Variants in INPP4A observed in about 807,000 individuals in gnomAD.
INPP4A encodes the protein inositol polyphosphate-4-phosphatase type I A.
A neutral mutation model predicts 119.8 loss-of-function variants in INPP4A; 33 were observed. The ratio of observed to expected loss-of-function variants is 0.28; its 90% CI spans 0.21 to 0.37. The LOEUF is 0.37. Among genes scored for constraint, INPP4A ranks in the 10% least tolerant of loss-of-function variants. INPP4A has a pLI of 1.00. For missense variants in INPP4A, 956 were observed against 1,289.9 expected (o/e 0.74, Z 3.97); for synonymous variants, 496 against 500.7 (o/e 0.99, Z 0.12).
At chr2:98,550,968 T>G (rs959190100) in intron 13 of INPP4A, among the ~76,000 whole-genome samples, 47 of 151,948 alleles carry the variant, frequency 3.1e-4, no homozygotes, top group African/African-American at 9.7e-5. Flanking sequence ...TTTTCCACTG[T>G]TTTTGGAGTC....
intron 22 of INPP4A, 144 bp downstream of exon 22, chr2:98,568,812 G>A (rs958693555): frequency 8.1e-6 from 5 of 616,404 alleles, no homozygotes; most frequent in South Asian, 3.9e-5. Flanking sequence ...ACACACACAC[G>A]CAGAGAGAGA....
In INPP4A at chr2:98,559,473, C is replaced by T. The variant is rs1270142241; in HGVS notation, c.1833C>T (p.Pro611=). The T allele has an allele frequency of 3.1e-6, 5 of 1,614,024 alleles. No individual in the cohort carries two copies. The highest frequency in any genetic ancestry group is 4.2e-6 in the Non-Finnish European group (5 of 1,179,896). The change falls in exon 17 of 25, where the codon CCC becomes CCT. Residue 611 remains proline, a synonymous_variant. Coordinates refer to ENST00000409851, the MANE Select transcript of INPP4A (RefSeq NM_001134225.2). ...TCCATTTCTGTGCAGATTGCAGTCCCCCTCCTGAAGAGTCCAGCCCAGGTA... is the reference window on the plus strand; with the variant it reads ...TCCATTTCTGTGCAGATTGCAGTCCTCCTCCTGAAGAGTCCAGCCCAGGTA... The part of the protein sequence containing the change: ...CHPHLTTHCS[P]PPEESSPGEW...
chr2:98,520,986 G>A, intron 4 of INPP4A: 1 of 366,192 alleles, frequency 2.7e-6, no homozygotes, highest in Non-Finnish European at 4.9e-6. Flanking sequence ...GCTCTCCACA[G>A]GTGGCTGGGG....
chr2:98,542,174 G>A (rs972713425), intron 10 of INPP4A, among the ~76,000 whole-genome samples: 1 of 152,270 alleles, frequency 6.6e-6, no homozygotes, highest in South Asian at 2.1e-4. Flanking sequence ...ATGAACACGG[G>A]CAGACACATT....
Position 98,543,900 on chromosome 2 carries a change from G to C in INPP4A, c.842G>C (p.Gly281Ala). Residue 281 changes from glycine to alanine, a missense_variant, in exon 11 of 25, where the codon GGA (glycine) becomes GCA (alanine). Coordinates refer to ENST00000409851, the MANE Select transcript of INPP4A (RefSeq NM_001134225.2). Reference protein sequence around the residue: ...AARVCELEELGELSPCWESLR... With the variant: ...AARVCELEELAELSPCWESLR... ...AGAGTGTGTGAGCTGGAGGAGCTGG[G>C]AGAGCTGTCCCCTTGCTGGGAGAGC... 6.2e-7 allele frequency: 1 copy of C among 1,613,126 alleles called. No individual in the cohort carries two copies. The highest frequency in any genetic ancestry group is 8.5e-7 in the Non-Finnish European group (1 of 1,179,510).
Position 98,517,074 on chromosome 2 carries a change from C to T in INPP4A, c.-165-1890C>T, listed in dbSNP as rs190198495. Among the ~76,000 whole-genome samples, 25 of 152,176 alleles carry T rather than the reference C, an allele frequency of 1.6e-4. No individual in the cohort carries two copies. In the East Asian group the frequency reaches 2.7e-3, roughly 16 times the overall value. On this transcript the variant is annotated intron_variant, in intron 1 of 24. Transcript: ENST00000409851. ...CGCACCCAGATCATTTCCAGAGCCC[C>T]GGAAGCCCTCTCACCCTCCCCAGTC...
chr2:98,531,855 A>G (rs1049822908), intron 4 of INPP4A, among the ~76,000 whole-genome samples: 1 of 152,244 alleles, frequency 6.6e-6, no homozygotes, highest in African/African-American at 2.4e-5. Flanking sequence ...ATGATTCCAG[A>G]TGGACGTTCA....
chr2:98,581,549 T>C, intron 24 of INPP4A: 3 of 1,494,614 alleles, frequency 2.0e-6, no homozygotes, highest in Non-Finnish European at 2.6e-6. Flanking sequence ...TCCTTTTTCT[T>C]TCTCCCAAAC....
At chr2:98,574,261 C>T (rs1698027395) in intron 23 of INPP4A, among the ~76,000 whole-genome samples, 3 of 152,024 alleles carry the variant, frequency 2.0e-5, no homozygotes, top group Non-Finnish European at 4.4e-5. Context: ...GCTAAACCCC[C>T]CTGGCCAGGC....
intron 1 of INPP4A, among the ~76,000 whole-genome samples, chr2:98,459,583 A>G (rs553275113): frequency 5.3e-5 from 8 of 152,302 alleles, no homozygotes; most frequent in South Asian, 2.1e-4. Flanking sequence ...GTGTCCCACA[A>G]TGGCATTCAC....
In INPP4A at chr2:98,524,328, G is replaced by A. The variant is rs567945780; in HGVS notation, c.151+3597G>A. The stretch of plus-strand genomic sequence containing the variant: ...CAAGGCTTATATATCAGAGGTGTGT[G>A]GTTTCTATGGAAATATGCCAAATGA... On this transcript the variant is annotated intron_variant, in intron 4 of 24. Transcript: ENST00000409851. Among the ~76,000 whole-genome samples, 6 of 152,318 alleles carry A rather than the reference G, an allele frequency of 3.9e-5. No homozygotes were observed. The East Asian group carries it at 1.2e-3, about 29-fold the overall frequency.
intron 4 of INPP4A, among the ~76,000 whole-genome samples, chr2:98,523,641 G>A (rs1052508916): frequency 1.1e-4 from 16 of 152,184 alleles, no homozygotes; most frequent in Non-Finnish European, 1.9e-4. Flanking sequence ...TGATCTGCCC[G>A]CCTCGGCCTC....
intron 19 of INPP4A, 127 bp from the exon 20 acceptor site, chr2:98,565,513 C>T (rs1696267899): frequency 3.1e-6 from 3 of 956,754 alleles, no homozygotes; most frequent in Admixed American, 3.4e-5. Context: ...CAGAGACTCC[C>T]CCTCCACCAG....
intron 1 of INPP4A, among the ~76,000 whole-genome samples, chr2:98,508,616 T>G (rs1417018149): frequency 6.6e-6 from 1 of 152,180 alleles, no homozygotes; most frequent in Non-Finnish European, 1.5e-5. Context: ...TTTCATACAC[T>G]TATTCAGAAA....
chr2:98,478,467 CAGACCTGCGCTGCTGTTAG>C (rs780077223), intron 1 of INPP4A, among the ~76,000 whole-genome samples: 49 of 152,360 alleles, frequency 3.2e-4, no homozygotes, highest in Middle Eastern at 6.8e-3. Flanking sequence ...GCCTCTCCAC[CAGACCTGCGCTGCTGTTAG>C]AGTCAAGGCG....
chr2:98,581,530 T>C (rs1418846015), intron 24 of INPP4A: 1 of 1,492,886 alleles, frequency 6.7e-7, no homozygotes, highest in Non-Finnish European at 8.9e-7. Flanking sequence ...TTTTCTTTCC[T>C]TTCCTTTTTC....
intron 6 of INPP4A, 98 bp downstream of exon 6, chr2:98,535,943 G>A: frequency 1.4e-6 from 1 of 735,190 alleles, no homozygotes; most frequent in Non-Finnish European, 2.4e-6. Context: ...TTCACTACTG[G>A]CTCACAAGTT....
At chr2:98,490,891 C>T (rs1305170464) in intron 1 of INPP4A, among the ~76,000 whole-genome samples, 1 of 152,202 alleles carries the variant, frequency 6.6e-6, no homozygotes, top group Non-Finnish European at 1.5e-5. Flanking sequence ...TATTATTTTA[C>T]AACATCTGGA....
chr2:98,550,803 G>A (rs1174650997), intron 13 of INPP4A, among the ~76,000 whole-genome samples: 1 of 152,184 alleles, frequency 6.6e-6, no homozygotes, highest in East Asian at 1.9e-4. Flanking sequence ...AGAATACAGG[G>A]CAAGTATAGG....
Sources: gnomAD v4.1 joint callset for allele counts (sites outside exome capture counted in the v4.1 genomes callset) on GRCh38, gnomAD v4.1.1 for gene constraint, MANE v1.5 for transcripts, NCBI Gene and HGNC (gene_info 2026-07-23, HGNC 2026-07-21) for gene names.